ALOX12B: variants seen among roughly 807,000 people sequenced by gnomAD.
The protein encoded by ALOX12B is arachidonate 12-lipoxygenase, 12R-type.
In ALOX12B, 47 loss-of-function variants were observed where a neutral mutation model predicts 78.9. The ratio of observed to expected loss-of-function variants is 0.60; its 90% CI spans 0.47 to 0.76. The LOEUF (loss-of-function observed/expected upper bound fraction) is 0.76. ALOX12B is among the 30% of genes least tolerant of loss of function. ALOX12B has a pLI of 0.00. For missense variants in ALOX12B, 805 were observed against 922.6 expected, an observed-to-expected ratio of 0.87 and a Z score of 1.65; for synonymous variants, 370 against 374.5, an observed-to-expected ratio of 0.99 and a Z score of 0.14.
At chr17:8,086,517 C>A (rs1223389396) in intron 1 of ALOX12B, among the ~76,000 whole-genome samples, 1 of 152,210 alleles carries the variant, frequency 6.6e-6, no homozygotes, top group Non-Finnish European at 1.5e-5. Context: ...GTTGCAGGAA[C>A]CCTTCAGACC....
Position 8,072,711 on chromosome 17 carries a change from T to A in ALOX12B, c.*60A>T, listed in dbSNP as rs1037664702. On this transcript the variant is annotated 3_prime_UTR_variant, in exon 15 of 15. Transcript: ENST00000647874. ...GTTTTTGTGTTTTTTGCTTGTTTGT[T>A]TTGTTTTGTTGAAAATAGTAGGGCA... 28 of 1,606,164 alleles carry A rather than the reference T, an allele frequency of 1.7e-5. No homozygotes were observed. Among genetic ancestry groups the A allele is most frequent in the Admixed American group, 5.0e-5 (3 of 59,926 alleles).
chr17:8,072,656 T>G lies in ALOX12B; in HGVS notation c.*115A>C. 2.1e-6 allele frequency: 3 copies of G among 1,453,004 alleles called. No homozygotes were observed. Among genetic ancestry groups the G allele is most frequent in the Admixed American group, 1.8e-5 (1 of 56,014 alleles). 90.0% of individuals were successfully genotyped at this position (1,453,004 alleles called of 1,614,324 possible). A position where few individuals can be genotyped will look rare whatever the true frequency, so the allele number is the denominator to read the frequency against. On this transcript the variant is annotated 3_prime_UTR_variant, in exon 15 of 15. Coordinates refer to ENST00000647874, the MANE Select transcript of ALOX12B (RefSeq NM_001139.3). ...CCAGGGAAAGGAAGGTTTTTTGTTT[T>G]TTTGTTTGTTTGGTGTTTTGGTCTC...
At position 8,080,511 on chromosome 17, in the gene ALOX12B, G is replaced by T; in HGVS notation, c.650+147C>A. The T allele has an allele frequency of 1.4e-6, 2 of 1,425,260 alleles. No individual in the cohort carries two copies. The highest frequency in any genetic ancestry group is 2.0e-6 in the Non-Finnish European group (2 of 1,023,184). The allele number at this position is 1,425,260 out of a possible 1,614,324, so 88.3% of individuals were successfully genotyped here. ...TGCATCTCTAGGTCTCTGGGATCAT[G>T]TCTCAGGTTTTCTGGGTCTGCGTTT... On this transcript the variant is annotated intron_variant, in intron 5 of 14. Transcript: ENST00000647874. The surrounding 1 kb of genome is among the most constrained non-coding windows in gnomAD (Gnocchi z 4.8).
At position 8,087,667 on chromosome 17, in the gene ALOX12B, C is replaced by T. The variant is rs1335269660; in HGVS notation, c.-225G>A. The T allele has an allele frequency of 2.4e-5, 16 of 655,466 alleles. No individual in the cohort carries two copies. Among genetic ancestry groups the T allele is most frequent in the East Asian group, 8.5e-5 (3 of 35,238 alleles). 40.6% of individuals were successfully genotyped at this position (655,466 alleles called of 1,614,324 possible). A position where few individuals can be genotyped will look rare whatever the true frequency, so the allele number is the denominator to read the frequency against. On this transcript the variant is annotated 5_prime_UTR_variant, in exon 1 of 15. Transcript: ENST00000647874. The stretch of plus-strand genomic sequence containing the variant: ...GGGGTGGGTGCCGGGCAGGCCCAGG[C>T]GGAGCCCAGCTGGTGGTGAGTGAGC...
intron 2 of ALOX12B, among the ~76,000 whole-genome samples, chr17:8,084,386 G>A (rs1368598285): frequency 1.3e-5 from 2 of 152,152 alleles, no homozygotes; most frequent in Admixed American, 1.3e-4. Flanking sequence ...CTGGAGTTGT[G>A]CAACCCAGAG....
Position 8,073,320 on chromosome 17 carries a change from T to C in ALOX12B, c.1756-2A>G. On this transcript the variant is annotated splice_acceptor_variant, in intron 13 of 14. Coordinates refer to ENST00000647874, the MANE Select transcript of ALOX12B (RefSeq NM_001139.3). LOFTEE classifies it high-confidence loss of function. ...GGGCATCCAGGCGGTGAACTCCATC[T>C]GGAGGTGGGATAGAGGCGCGGGTCT... 1 of 1,614,084 alleles carries C rather than the reference T, an allele frequency of 6.2e-7. No homozygotes were observed. The highest frequency in any genetic ancestry group is 8.5e-7 in the Non-Finnish European group (1 of 1,180,014).
Position 8,075,713 on chromosome 17 carries a change from A to G in ALOX12B, c.1536T>C (p.Tyr512=), listed in dbSNP as rs756024083. The G allele has an allele frequency of 1.2e-6, 2 of 1,613,998 alleles. No homozygotes were observed. The part of the protein sequence containing the change: ...SLAVWNALEK[Y]VTEIITYYYP... ...AATAATAGGTGATGATCTCCGTCAC[A>G]TACCTGACCAGGGGACAGGGCCTCA... The change falls in exon 12 of 15, where the codon TAT becomes TAC. Residue 512 remains tyrosine (Y), a synonymous_variant. Coordinates refer to ENST00000647874, the MANE Select transcript of ALOX12B (RefSeq NM_001139.3).
chr17:8,078,183 G>A (rs1025702965), intron 8 of ALOX12B, among the ~76,000 whole-genome samples: 5 of 150,644 alleles, frequency 3.3e-5, no homozygotes, highest in Admixed American at 1.3e-4. Flanking sequence ...GTCTTGCTCT[G>A]TCACCAGGCT....
intron 11 of ALOX12B, 39 bp downstream of exon 11, chr17:8,076,136 G>T: frequency 6.2e-7 from 1 of 1,612,920 alleles, no homozygotes. Flanking sequence ...ATCCCAGGTT[G>T]TCCACCCTAA....
intron 2 of ALOX12B, among the ~76,000 whole-genome samples, chr17:8,084,770 C>T (rs1241785955): frequency 6.6e-6 from 1 of 152,218 alleles, no homozygotes; most frequent in Non-Finnish European, 1.5e-5. Context: ...GTGTCCTCAG[C>T]TCAGCCTTTC....
chr17:8,081,076 G>A lies in ALOX12B; in HGVS notation c.434+30C>T, dbSNP rs370657529. On this transcript the variant is annotated intron_variant, in intron 3 of 14. Transcript: ENST00000647874. ...CCCCACCTCCCTGGACCCCTGCCGG[G>A]CGCCCAGACTCTGCCACCCGCCCCC... 3 of 1,613,264 alleles carry A rather than the reference G, an allele frequency of 1.9e-6. No individual in the cohort carries two copies. In the African/African-American group the frequency reaches 4.0e-5, roughly 22 times the overall value.
chr17:8,086,654 C>T (rs1417073472), intron 1 of ALOX12B, among the ~76,000 whole-genome samples: 4 of 152,194 alleles, frequency 2.6e-5, no homozygotes, highest in South Asian at 2.1e-4. Context: ...CTATTAAGGT[C>T]GCCTAGCAGC....
intron 11 of ALOX12B, 119 bp from the exon 12 acceptor site, chr17:8,075,835 G>A: frequency 1.3e-6 from 2 of 1,532,776 alleles, no homozygotes; most frequent in Non-Finnish European, 1.8e-6. Flanking sequence ...CCCCAGGCCT[G>A]TGGGAGGGCA....
Position 8,075,660 on chromosome 17 carries a change from T to A in ALOX12B, c.1589A>T (p.Asp530Val). The change falls in exon 12 of 15, where the codon GAT (aspartate) becomes GTT (valine). Residue 530 changes from aspartate to valine, a missense_variant. Transcript: ENST00000647874. ...CTGCACCCAAGACTGCAATTCCGGA[T>A]CACCCTCCACGGCTGCGTCACTCGG... ...YYPSDAAVEGDPELQSWVQEI... is the reference protein window; with the variant it reads ...YYPSDAAVEGVPELQSWVQEI... 11 of 1,614,132 alleles carry A rather than the reference T, an allele frequency of 6.8e-6. No individual in the cohort carries two copies. Among genetic ancestry groups the A allele is most frequent in the Non-Finnish European group, 9.3e-6 (11 of 1,180,032 alleles).
In ALOX12B at chr17:8,080,627, C is replaced by T. The variant is rs767784260; in HGVS notation, c.650+31G>A. 6.2e-7 allele frequency: 1 copy of T among 1,613,904 alleles called. No homozygotes were observed. Among genetic ancestry groups the T allele is most frequent in the South Asian group, 1.1e-5 (1 of 90,970 alleles). On this transcript the variant is annotated intron_variant, in intron 5 of 14. Transcript: ENST00000647874. The surrounding 1 kb of genome is among the most constrained non-coding windows in gnomAD (Gnocchi z 4.8). Reference sequence around the variant, plus strand: ...GGAGAGGGAAAGTTCTTGCAGGAGCCCTCGTTCTCCCGTCACTCACACGGA... The same window carrying T: ...GGAGAGGGAAAGTTCTTGCAGGAGCTCTCGTTCTCCCGTCACTCACACGGA...
chr17:8,078,894 CTTTTTT>C (rs398030274), intron 8 of ALOX12B, among the ~76,000 whole-genome samples: 5 of 115,292 alleles, frequency 4.3e-5, no homozygotes, highest in Admixed American at 1.7e-4. Context: ...AATACTGGGA[CTTTTTT>C]TTTTTTTTTT....
rs528838532 is a variant in ALOX12B, at chr17:8,079,140, G to A, written c.1071+256C>T. The stretch of plus-strand genomic sequence containing the variant: ...TCTCGATCTCCTGACCTCGTGATCC[G>A]CCCGCCTCGGCCTCCCAAAGTGCTG... On this transcript the variant is annotated intron_variant, in intron 8 of 14. Coordinates refer to ENST00000647874, the MANE Select transcript of ALOX12B (RefSeq NM_001139.3). This position sits in a 1 kb window ranked among gnomAD's most constrained non-coding sequence, Gnocchi z 6.4. Among the ~76,000 whole-genome samples, 1 of 151,826 alleles carries A rather than the reference G, an allele frequency of 6.6e-6. No individual in the cohort carries two copies. The highest frequency in any genetic ancestry group is 2.4e-5 in the African/African-American group (1 of 41,466).
intron 12 of ALOX12B, 87 bp downstream of exon 12, chr17:8,075,508 C>G: frequency 6.2e-7 from 1 of 1,600,074 alleles, no homozygotes; most frequent in Non-Finnish European, 8.5e-7. Context: ...ATGTTCTGAT[C>G]CAGCCCAGGA....
chr17:8,085,008 G>A (rs3027296), intron 2 of ALOX12B, among the ~76,000 whole-genome samples: 1 of 152,172 alleles, frequency 6.6e-6, no homozygotes, highest in South Asian at 2.1e-4. Context: ...GGCAGCCTTG[G>A]CCAGCCTTAA....
Sources: allele counts gnomAD v4.1 joint callset (sites outside exome capture counted in the v4.1 genomes callset), GRCh38; gene constraint gnomAD v4.1.1; non-coding constraint Gnocchi (gnomAD v3.1); transcripts MANE v1.5; gene names NCBI Gene and HGNC (gene_info 2026-07-23, HGNC 2026-07-21).